The following USP43 variants were observed in gnomAD, a reference collection of about 807,000 sequenced individuals.
USP43 encodes the protein ubiquitin specific peptidase 43.
A neutral mutation model predicts 90.7 loss-of-function variants in USP43; 33 were observed. The ratio of observed to expected loss-of-function variants is 0.36; its 90% CI spans 0.28 to 0.49. USP43 has a LOEUF of 0.49. Ranked by LOEUF, USP43 falls within the 20% of genes least tolerant of loss-of-function variation. USP43 has a pLI of 0.98. For synonymous variants in USP43, 598 were observed against 615.8 expected, an observed-to-expected ratio of 0.97 and a Z score of 0.43; for missense variants, 1,274 against 1,476.4, an observed-to-expected ratio of 0.86 and a Z score of 2.25.
rs375238546 is a variant in USP43 at position 9,682,870 on chromosome 17, G to A, written c.1153G>A (p.Gly385Ser). The A allele has an allele frequency of 3.7e-6, 6 of 1,613,982 alleles. No homozygotes were observed. The East Asian group carries it at 1.3e-4, about 36-fold the overall frequency. The change falls in exon 7 of 15, where the codon GGC becomes AGC. Residue 385 changes from glycine to serine, a missense_variant. Coordinates refer to ENST00000285199, the MANE Select transcript of USP43 (RefSeq NM_153210.5). The part of the protein sequence containing the change: ...SASPRLAARE[G>S]QRFSLSLHSE... ...CTCCCCACGCCTGGCAGCCCGTGAG[G>A]GCCAGCGATTCTCCCTCTCTCTCCA...
At chr17:9,678,455 C>G (rs1913932673) in intron 5 of USP43, among the ~76,000 whole-genome samples, 3 of 152,170 alleles carry the variant, frequency 2.0e-5, no homozygotes, top group African/African-American at 7.2e-5. Flanking sequence ...CTCCCAGGTT[C>G]AAGCGATTCT....
chr17:9,647,846 T>TA (rs757197689), intron 1 of USP43, among the ~76,000 whole-genome samples: 7,508 of 37,330 alleles, frequency 0.2, 484 homozygotes, highest in East Asian at 0.22. Context: ...TTACTAAAAA[T>TA]CCAAAAAAAA....
chr17:9,648,368 G>A (rs1911602764), intron 1 of USP43, among the ~76,000 whole-genome samples: 1 of 152,220 alleles, frequency 6.6e-6, no homozygotes, highest in African/African-American at 2.4e-5. Context: ...AGTAGACTAG[G>A]AATGCATGGA....
Position 9,711,955 on chromosome 17 carries a change from G to T in USP43, c.2171-13G>T. On this transcript the variant is annotated splice_polypyrimidine_tract_variant and intron_variant, in intron 13 of 14. Transcript: ENST00000285199. ...GGTTGGGCTCAGCCTCCCTCTCTGT[G>T]TTTCCTCCACAGGCTCTACCAGCTC... is the stretch of plus-strand genomic sequence containing the variant. 6.3e-7 allele frequency: 1 copy of T among 1,584,258 alleles called. No individual in the cohort carries two copies. Among genetic ancestry groups the T allele is most frequent in the Non-Finnish European group, 8.6e-7 (1 of 1,164,288 alleles).
At chr17:9,688,222 C>T (rs980420232) in intron 8 of USP43, among the ~76,000 whole-genome samples, 12 of 150,874 alleles carry the variant, frequency 8.0e-5, no homozygotes, top group Non-Finnish European at 1.5e-4. Context: ...CTCTTGACCT[C>T]GTGATCCACT....
At chr17:9,725,458 C>T (rs1014727584) in intron 14 of USP43, among the ~76,000 whole-genome samples, 6 of 152,080 alleles carry the variant, frequency 3.9e-5, no homozygotes, top group East Asian at 1.9e-4. Context: ...CCACCCTAGA[C>T]GGGAAGTGAC....
chr17:9,713,799 T>A (rs9903054), intron 14 of USP43, among the ~76,000 whole-genome samples: 30,800 of 151,998 alleles, frequency 0.2, 3,443 homozygotes, highest in African/African-American at 0.31. Context: ...CGAGGGGAAT[T>A]GCTGCACAGT....
Position 9,701,175 on chromosome 17 carries a change from A to T in USP43, c.1592A>T (p.Gln531Leu). 1 of 1,546,174 alleles carries T rather than the reference A, an allele frequency of 6.5e-7. No homozygotes were observed. The highest frequency in any genetic ancestry group is 8.7e-7 in the Non-Finnish European group (1 of 1,144,770). The change falls in exon 11 of 15, where the codon CAG becomes CTG. Residue 531 changes from glutamine to leucine, a missense_variant. Around this residue, in one of 6 missense-constraint regions of USP43, gnomAD observed 253 missense variants for 276.0 expected, o/e 0.92. Transcript: ENST00000285199. The surrounding 1 kb of genome is among the most constrained non-coding windows in gnomAD (Gnocchi z 7.2). ...CAGGATGCCGACAGTGTGTGGCAGCAGCAGCAGGCGCATCAGCAGCACAGC... is the reference window on the plus strand; with the variant it reads ...CAGGATGCCGACAGTGTGTGGCAGCTGCAGCAGGCGCATCAGCAGCACAGC... ...RAQDADSVWQ[Q>L]QQAHQQHSCT...
At chr17:9,703,144 A>G (rs1915672851) in intron 12 of USP43, among the ~76,000 whole-genome samples, 1 of 151,726 alleles carries the variant, frequency 6.6e-6, no homozygotes, top group Non-Finnish European at 1.5e-5. Flanking sequence ...CTTGAGGCCC[A>G]TATATATATT....
intron 6 of USP43, among the ~76,000 whole-genome samples, chr17:9,681,331 A>G (rs189599456): frequency 0.018 from 2,021 of 111,954 alleles, 57 homozygotes; most frequent in African/African-American, 0.066. Flanking sequence ...TATATATATA[A>G]ATAAATATAT....
chr17:9,720,591 C>A (rs1272343604), intron 14 of USP43, among the ~76,000 whole-genome samples: 1 of 151,870 alleles, frequency 6.6e-6, no homozygotes, highest in Non-Finnish European at 1.5e-5. Context: ...CAGGTTCAAG[C>A]AATTCTCCTG....
chr17:9,647,716 C>T (rs534346279), intron 1 of USP43: 1 of 152,054 alleles, frequency 6.6e-6, no homozygotes, highest in Admixed American at 6.6e-5. Flanking sequence ...GAAAACACTT[C>T]GAAATTGGCC....
chr17:9,700,353 A>C, intron 10 of USP43, 104 bp downstream of exon 10: 2 of 1,133,214 alleles, frequency 1.8e-6, no homozygotes, highest in Non-Finnish European at 2.5e-6. Flanking sequence ...GGCAGGGTGC[A>C]CACATCTTTG....
intron 9 of USP43, among the ~76,000 whole-genome samples, chr17:9,698,904 G>A (rs148272845): frequency 1.1e-3 from 168 of 152,292 alleles, no homozygotes; most frequent in East Asian, 9.8e-3. Flanking sequence ...ATTAAATTAC[G>A]TACCCGCAGA....
At chr17:9,721,740 T>TTTTTTA (rs1916964497) in intron 14 of USP43, among the ~76,000 whole-genome samples, 4 of 142,316 alleles carry the variant, frequency 2.8e-5, no homozygotes, top group East Asian at 2.0e-4. Context: ...TTTTTTTTTT[T>TTTTTTA]GAGACCGAGT....
chr17:9,674,674 G>A lies in USP43; in HGVS notation c.741-217G>A, dbSNP rs1039298327. 5.3e-5 allele frequency among the ~76,000 whole-genome samples: 8 copies of A among 152,192 alleles called. No homozygotes were observed. Among genetic ancestry groups the A allele is most frequent in the African/African-American group, 9.6e-5 (4 of 41,452 alleles). On this transcript the variant is annotated intron_variant, in intron 3 of 14. Transcript: ENST00000285199. This position sits in a 1 kb window ranked among gnomAD's most constrained non-coding sequence, Gnocchi z 4.4. ...TATTCTGTTTACCCATTTGTCTGTT[G>A]ATGGACGGTTGGGTTGTTCCCACCT... is the stretch of plus-strand genomic sequence containing the variant.
intron 1 of USP43, among the ~76,000 whole-genome samples, chr17:9,650,979 G>A (rs907949915): frequency 7.9e-5 from 12 of 151,996 alleles, no homozygotes; most frequent in South Asian, 4.2e-4. Flanking sequence ...TCCTTCACCC[G>A]TCTCCTACCC....
rs1916232380 is a variant in USP43, at chr17:9,712,086, T to G, written c.2289T>G (p.Val763=). The G allele has an allele frequency of 6.2e-7, 1 of 1,609,712 alleles. No homozygotes were observed. Among genetic ancestry groups the G allele is most frequent in the South Asian group, 1.1e-5 (1 of 90,600 alleles). ...CCCCCTGCCCCTCCCTGCCCCAGGT[T>G]CCTGACTCTCCCATCTTCACCAACA... ...SSAPCPSLPQ[V]PDSPIFTNSL... is the part of the protein sequence containing the mutation. The change falls in exon 14 of 15, where the codon GTT becomes GTG. Residue 763 remains valine, a synonymous_variant. Transcript: ENST00000285199.
intron 7 of USP43, 56 bp downstream of exon 7, chr17:9,683,014 T>C: frequency 1.3e-6 from 2 of 1,585,616 alleles, no homozygotes; most frequent in Non-Finnish European, 1.7e-6. Context: ...AGACCTGTAC[T>C]TGGGAGCCTG....
Sources: gnomAD v4.1 joint callset for allele counts (sites outside exome capture counted in the v4.1 genomes callset) on GRCh38, gnomAD v4.1.1 for gene constraint, gnomAD v4.1.1 regional missense constraint, Gnocchi (gnomAD v3.1) non-coding constraint, MANE v1.5 for transcripts, NCBI Gene and HGNC (gene_info 2026-07-23, HGNC 2026-07-21) for gene names.